Variants in F2 observed in about 807,000 individuals in gnomAD.
F2 encodes the protein coagulation factor II, thrombin, also known as prothrombin.
In F2, 34 loss-of-function variants were observed where a neutral mutation model predicts 81.9. The observed-to-expected ratio is 0.42, with a 90% confidence interval of 0.32 to 0.55. The LOEUF is 0.55. Ranked by LOEUF, F2 falls within the 20% of genes least tolerant of loss-of-function variation. The pLI, the probability that F2 is intolerant of heterozygous loss-of-function variation, is 0.18. For missense variants in F2, 630 were observed against 833.4 expected (o/e 0.76, Z 3.00); for synonymous variants, 296 against 326.4 (o/e 0.91, Z 1.01).
intron 12 of F2, among the ~76,000 whole-genome samples, chr11:46,737,645 C>T (rs529555419): frequency 5.6e-5 from 8 of 143,504 alleles, no homozygotes; most frequent in African/African-American, 1.0e-4. Context: ...TCACCGCGTT[C>T]GCCAGGATGG....
In F2 at chr11:46,723,006, G is replaced by A; in HGVS notation, c.317-174G>A. 1.4e-6 allele frequency: 1 copy of A among 730,478 alleles called. No homozygotes were observed. The highest frequency in any genetic ancestry group is 2.5e-6 in the Non-Finnish European group (1 of 401,424). The allele number at this position is 730,478 out of a possible 1,614,324, so 45.2% of individuals were successfully genotyped here. The stretch of plus-strand genomic sequence containing the variant: ...GGTAGGCACTTAGCGAATATTTGGA[G>A]GCCACTGTTGAGTGAATGGGAGAAC... On this transcript the variant is annotated intron_variant, in intron 4 of 13. Coordinates refer to ENST00000311907, the MANE Select transcript of F2 (RefSeq NM_000506.5). The surrounding 1 kb of genome is among the most constrained non-coding windows in gnomAD (Gnocchi z 5.6).
At chr11:46,734,035 C>T (rs3136488) in intron 12 of F2, among the ~76,000 whole-genome samples, 1 of 151,956 alleles carries the variant, frequency 6.6e-6, no homozygotes, top group Non-Finnish European at 1.5e-5. Context: ...ATCCTCCCGC[C>T]TCGGCCTCCC....
chr11:46,725,687 C>T (rs2064867138), intron 6 of F2, among the ~76,000 whole-genome samples, 172 bp from the exon 7 acceptor site: 1 of 152,214 alleles, frequency 6.6e-6, no homozygotes, highest in Non-Finnish European at 1.5e-5. Flanking sequence ...AACAAACCTG[C>T]AAAAGTGGCA....
At position 46,725,716 on chromosome 11, in the gene F2, G is replaced by A. The variant is rs2064867234; in HGVS notation, c.560-143G>A. 6.4e-6 allele frequency: 6 copies of A among 936,090 alleles called. No individual in the cohort carries two copies. In the East Asian group the frequency reaches 9.7e-5, roughly 15 times the overall value. The allele number at this position is 936,090 out of a possible 1,614,324, so 58.0% of individuals were successfully genotyped here. ...AGTGGCATTAGTAACCCCTTTAAAG[G>A]CAAACGGTCAGAAGCCCAGAGAGGT... On this transcript the variant is annotated intron_variant, in intron 6 of 13. Coordinates refer to ENST00000311907, the MANE Select transcript of F2 (RefSeq NM_000506.5).
chr11:46,727,983 C>G lies in F2; in HGVS notation c.1131-13C>G. 6.2e-7 allele frequency: 1 copy of G among 1,603,892 alleles called. No individual in the cohort carries two copies. The highest frequency in any genetic ancestry group is 8.5e-7 in the Non-Finnish European group (1 of 1,176,376). On this transcript the variant is annotated splice_polypyrimidine_tract_variant and intron_variant, in intron 9 of 13. Coordinates refer to ENST00000311907, the MANE Select transcript of F2 (RefSeq NM_000506.5). ...CATCCTCAGCTCCTAATGCTTCCTG[C>G]TGCCCCTCCCAGGCAGGTGATGCTT... is the stretch of plus-strand genomic sequence containing the variant.
Position 46,728,583 on chromosome 11 carries a change from C to G in F2, c.1299-81C>G, listed in dbSNP as rs560886767. The G allele has an allele frequency of 4.6e-4, 705 of 1,536,746 alleles. 1 individual carries two copies. Among genetic ancestry groups the G allele is most frequent in the Non-Finnish European group, 6.0e-4 (669 of 1,114,028 alleles). Reference sequence around the variant, plus strand: ...GTGGCCTGCAGGACACACTGTCTCCCAGACCCCAAGGGCAGGCAGTTTCCT... The same window carrying G: ...GTGGCCTGCAGGACACACTGTCTCCGAGACCCCAAGGGCAGGCAGTTTCCT... On this transcript the variant is annotated intron_variant, in intron 10 of 13. Coordinates refer to ENST00000311907, the MANE Select transcript of F2 (RefSeq NM_000506.5). This position sits in a 1 kb window ranked among gnomAD's most constrained non-coding sequence, Gnocchi z 5.1.
At chr11:46,731,719 G>C (rs1370414790) in intron 12 of F2, among the ~76,000 whole-genome samples, 1 of 151,922 alleles carries the variant, frequency 6.6e-6, no homozygotes, top group Admixed American at 6.6e-5. Context: ...GTTTCCTCAC[G>C]GTCAGGTTCG....
At chr11:46,739,151 C>A in intron 13 of F2, 33 bp downstream of exon 13, 1 of 1,613,930 alleles carries the variant, frequency 6.2e-7, no homozygotes, top group Non-Finnish European at 8.5e-7. Flanking sequence ...GCCTGGTGAA[C>A]ACATCTTCTG....
Position 46,726,433 on chromosome 11 carries a change from G to A in F2, c.875-65G>A. The A allele has an allele frequency of 6.3e-7, 1 of 1,580,510 alleles. No homozygotes were observed. The highest frequency in any genetic ancestry group is 8.6e-7 in the Non-Finnish European group (1 of 1,163,978). On this transcript the variant is annotated intron_variant, in intron 7 of 13. Coordinates refer to ENST00000311907, the MANE Select transcript of F2 (RefSeq NM_000506.5). This position sits in a 1 kb window ranked among gnomAD's most constrained non-coding sequence, Gnocchi z 5.9. ...CCTCCAAGGCCCGTAGGGGAATTGG[G>A]GGGATCTAGGGGATGGGTGAGGAAT...
chr11:46,731,940 G>A (rs1171558547), intron 12 of F2, among the ~76,000 whole-genome samples: 1 of 121,522 alleles, frequency 8.2e-6, no homozygotes, highest in African/African-American at 3.1e-5. Context: ...TTTTTGTGAT[G>A]GAGTCTCCCT....
intron 6 of F2, among the ~76,000 whole-genome samples, chr11:46,724,469 CTCT>C (rs1204512689): frequency 6.6e-6 from 1 of 152,178 alleles, no homozygotes; most frequent in African/African-American, 2.4e-5. Flanking sequence ...CCTGGGAAAA[CTCT>C]TCTTATGCTG....
At position 46,719,593 on chromosome 11, in the gene F2, C is replaced by A; in HGVS notation, c.80-109C>A. On this transcript the variant is annotated intron_variant, in intron 1 of 13. Coordinates refer to ENST00000311907, the MANE Select transcript of F2 (RefSeq NM_000506.5). The surrounding 1 kb of genome is among the most constrained non-coding windows in gnomAD (Gnocchi z 4.7). Reference sequence around the variant, plus strand: ...CAGGCACTTCCACCAGCCCAGACAGCCTCTCTCAGAAGCCAGCAGGGGAGG... The same window carrying A: ...CAGGCACTTCCACCAGCCCAGACAGACTCTCTCAGAAGCCAGCAGGGGAGG... 2 of 1,417,126 alleles carry A rather than the reference C, an allele frequency of 1.4e-6. No individual in the cohort carries two copies. Among genetic ancestry groups the A allele is most frequent in the Non-Finnish European group, 1.9e-6 (2 of 1,037,316 alleles). The allele number at this position is 1,417,126 out of a possible 1,614,324, so 87.8% of individuals were successfully genotyped here.
At position 46,738,916 on chromosome 11, in the gene F2, G is replaced by T. The variant is rs3136515; in HGVS notation, c.1655-132G>T. ...CGACAAGATTTGCTAGGATTGGATGGGTAGGGTGAGGAAGTGGGGACAGCA... is the reference window on the plus strand; with the variant it reads ...CGACAAGATTTGCTAGGATTGGATGTGTAGGGTGAGGAAGTGGGGACAGCA... On this transcript the variant is annotated intron_variant, in intron 12 of 13. Coordinates refer to ENST00000311907, the MANE Select transcript of F2 (RefSeq NM_000506.5). 857,154 of 863,232 alleles carry T rather than the reference G, an allele frequency of 0.99. 425,782 individuals are homozygous for T. The highest frequency in any genetic ancestry group is 1 in the East Asian group (39,958 of 39,958). 53.5% of individuals were successfully genotyped at this position (863,232 alleles called of 1,614,324 possible).
At chr11:46,732,843 A>ATGAT (rs1165218782) in intron 12 of F2, among the ~76,000 whole-genome samples, 26 of 152,268 alleles carry the variant, frequency 1.7e-4, no homozygotes, top group Middle Eastern at 6.8e-3. Flanking sequence ...GCACAGCAAA[A>ATGAT]TGATTCAGGT....
At chr11:46,738,573 A>G (rs1406870161) in intron 12 of F2, among the ~76,000 whole-genome samples, 1 of 152,040 alleles carries the variant, frequency 6.6e-6, no homozygotes, top group African/African-American at 2.4e-5. Flanking sequence ...TCCCAGGCGC[A>G]AGTGATCCTC....
intron 12 of F2, among the ~76,000 whole-genome samples, chr11:46,738,462 C>A (rs1473680752): frequency 6.6e-6 from 1 of 151,484 alleles, no homozygotes; most frequent in Non-Finnish European, 1.5e-5. Context: ...AAATTTTTTT[C>A]TTGGTCTTTT....
At chr11:46,727,951 G>A (rs1456073775) in intron 9 of F2, 45 bp from the exon 10 acceptor site, 3 of 1,571,338 alleles carry the variant, frequency 1.9e-6, no homozygotes, top group Non-Finnish European at 2.6e-6. Context: ...TGTAGAGGCA[G>A]CCCCCTCATC....
intron 12 of F2, among the ~76,000 whole-genome samples, chr11:46,731,057 C>T (rs1207315919): frequency 6.6e-6 from 1 of 151,950 alleles, no homozygotes; most frequent in Non-Finnish European, 1.5e-5. Flanking sequence ...GCTGGAATCA[C>T]AGGCATGTAC....
At chr11:46,729,294 A>G (rs901095165) in intron 11 of F2, 86 bp from the exon 12 acceptor site, 15 of 1,459,228 alleles carry the variant, frequency 1.0e-5, no homozygotes, top group African/African-American at 4.2e-5. Context: ...CTGGCGTTTT[A>G]GATTCTGGTC....
Sources: allele counts gnomAD v4.1 joint callset (sites outside exome capture counted in the v4.1 genomes callset), GRCh38; gene constraint gnomAD v4.1.1; non-coding constraint Gnocchi (gnomAD v3.1); transcripts MANE v1.5; gene names NCBI Gene and HGNC (gene_info 2026-07-23, HGNC 2026-07-21).